The following NEK11 variants were observed in gnomAD, a reference collection of about 807,000 sequenced individuals.
The protein encoded by NEK11 is serine/threonine-protein kinase Nek11.
In NEK11, 72 loss-of-function variants were observed where a neutral mutation model predicts 80.7. The ratio of observed to expected loss-of-function variants is 0.89; its 90% CI spans 0.74 to 1.08. The LOEUF (loss-of-function observed/expected upper bound fraction) is 1.08. NEK11 is among the 50% of genes least tolerant of loss of function. NEK11 has a pLI of 0.00. For missense variants in NEK11, 764 were observed against 763.6 expected (o/e 1.00, Z -0.01); for synonymous variants, 251 against 260.7 (o/e 0.96, Z 0.36).
chr3:131,180,003 G>A lies in NEK11; in HGVS notation c.1399+9116G>A, dbSNP rs914737914. Reference sequence around the variant, plus strand: ...CTCATTCCTATAAAGTCCTATGTGGGAAAGAATCTCTCAGGGCAGATATTC... The same window carrying A: ...CTCATTCCTATAAAGTCCTATGTGGAAAAGAATCTCTCAGGGCAGATATTC... On this transcript the variant is annotated intron_variant, in intron 14 of 17. Transcript: ENST00000383366. Among the ~76,000 whole-genome samples, 8 of 152,280 alleles carry A rather than the reference G, an allele frequency of 5.3e-5. No homozygotes were observed. In the South Asian group the frequency reaches 6.2e-4, roughly 12 times the overall value.
chr3:131,083,768 T>C (rs941670155), intron 4 of NEK11, among the ~76,000 whole-genome samples: 1 of 152,322 alleles, frequency 6.6e-6, no homozygotes, highest in Non-Finnish European at 1.5e-5. Context: ...CATCAGATTA[T>C]GAGTGTAAAA....
intron 17 of NEK11, among the ~76,000 whole-genome samples, chr3:131,310,913 T>C (rs761286023): frequency 6.6e-6 from 1 of 152,168 alleles, no homozygotes; most frequent in Admixed American, 6.5e-5. Flanking sequence ...TGCTTCTAGC[T>C]CCACAGCATG....
At chr3:131,103,080 C>T (rs919882512) in intron 4 of NEK11, among the ~76,000 whole-genome samples, 3 of 151,974 alleles carry the variant, frequency 2.0e-5, no homozygotes. Flanking sequence ...TTACTAATTC[C>T]TTGGAATCCT....
In NEK11 at chr3:131,243,460, AG is replaced by A. The variant is rs774842857; in HGVS notation, c.1587del (p.Arg529SerfsTer12). The A allele has an allele frequency of 3.1e-6, 5 of 1,612,940 alleles. No homozygotes were observed. Among genetic ancestry groups the A allele is most frequent in the South Asian group, 2.2e-5 (2 of 91,026 alleles). Reference protein sequence around the residue: ...QQDSDIEALARCLENVLGCTS... With the variant: ...QQDSDIEALAXCLENVLGCTS... ...GGACAGTGATATCGAAGCGTTGGCC[AG>A]GTGTTTGGAAAATGTCCTGGGTTGC... is the stretch of plus-strand genomic sequence containing the variant. On this transcript the variant is annotated frameshift_variant, in exon 16 of 18. Transcript: ENST00000383366. LOFTEE classifies it high-confidence loss of function.
intron 7 of NEK11, among the ~76,000 whole-genome samples, chr3:131,138,090 G>C (rs563853481): frequency 7.9e-5 from 12 of 152,110 alleles, no homozygotes; most frequent in Non-Finnish European, 1.8e-4. Flanking sequence ...GTGGTGTAGA[G>C]GACCAAGTGA....
intron 17 of NEK11, among the ~76,000 whole-genome samples, chr3:131,316,797 G>GT (rs377470635): frequency 6.6e-6 from 1 of 152,148 alleles, no homozygotes; most frequent in African/African-American, 2.4e-5. Context: ...CAGCTTGCGA[G>GT]TTTTTTGAAG....
intron 17 of NEK11, among the ~76,000 whole-genome samples, chr3:131,337,161 C>T (rs1181062222): frequency 2.6e-5 from 4 of 152,172 alleles, no homozygotes; most frequent in South Asian, 2.1e-4. Flanking sequence ...AAGACACATG[C>T]ACACGTATGT....
intron 14 of NEK11, among the ~76,000 whole-genome samples, chr3:131,223,650 G>A (rs1206646320): frequency 6.6e-6 from 1 of 152,180 alleles, no homozygotes. Flanking sequence ...TTGTGACAGA[G>A]ACCACGTAAT....
chr3:131,295,427 T>C (rs1476863016), intron 17 of NEK11, among the ~76,000 whole-genome samples: 1 of 152,176 alleles, frequency 6.6e-6, no homozygotes, highest in African/African-American at 2.4e-5. Context: ...TTTTTCAGCA[T>C]TTTAAATTTT....
intron 15 of NEK11, among the ~76,000 whole-genome samples, chr3:131,231,831 C>T (rs546713583): frequency 1.3e-5 from 2 of 152,132 alleles, no homozygotes; most frequent in African/African-American, 4.8e-5. Flanking sequence ...CTGAGTGTGC[C>T]AGGGTCTGCT....
intron 4 of NEK11, among the ~76,000 whole-genome samples, chr3:131,094,379 C>T (rs1331624254): frequency 6.6e-6 from 1 of 151,938 alleles, no homozygotes; most frequent in African/African-American, 2.4e-5. Flanking sequence ...TCATGAGGTG[C>T]TATTATTAGG....
chr3:131,341,651 T>C (rs919495859), intron 17 of NEK11, among the ~76,000 whole-genome samples: 1 of 152,210 alleles, frequency 6.6e-6, no homozygotes, highest in East Asian at 1.9e-4. Flanking sequence ...CTCTTTGTAG[T>C]CCTCTATGTA....
chr3:131,087,656 A>T (rs572006058), intron 4 of NEK11, among the ~76,000 whole-genome samples: 1 of 152,314 alleles, frequency 6.6e-6, no homozygotes, highest in African/African-American at 2.4e-5. Flanking sequence ...TTTTTTATGC[A>T]AAAGTATTTA....
At chr3:131,328,116 G>GTCTC (rs2097003823) in intron 17 of NEK11, among the ~76,000 whole-genome samples, 1 of 151,828 alleles carries the variant, frequency 6.6e-6, no homozygotes, top group East Asian at 1.9e-4. Flanking sequence ...AGACACCCTT[G>GTCTC]TCTCTACAGA....
At chr3:131,048,599 A>G (rs1329897951) in intron 3 of NEK11, among the ~76,000 whole-genome samples, 1 of 152,118 alleles carries the variant, frequency 6.6e-6, no homozygotes, top group Non-Finnish European at 1.5e-5. Context: ...GGGGCAGATG[A>G]TCCCTCTTTC....
intron 17 of NEK11, among the ~76,000 whole-genome samples, chr3:131,288,578 G>A (rs2096505214): frequency 6.6e-6 from 1 of 150,832 alleles, no homozygotes; most frequent in African/African-American, 2.4e-5. Context: ...TCAGCCTCCT[G>A]AGTACCTAGG....
At chr3:131,180,860 G>A (rs945915107) in intron 14 of NEK11, among the ~76,000 whole-genome samples, 3 of 152,146 alleles carry the variant, frequency 2.0e-5, no homozygotes, top group East Asian at 1.9e-4. Context: ...TCTTAATTCA[G>A]TCTATAATAT....
chr3:131,052,134 G>GT (rs34528776), intron 3 of NEK11, among the ~76,000 whole-genome samples: 20,655 of 127,034 alleles, frequency 0.16, 1,437 homozygotes, highest in Middle Eastern at 0.21. Context: ...GGTTTTTTTT[G>GT]TTTTTTTTTT....
At chr3:131,152,050 T>C (rs965695971) in intron 7 of NEK11, among the ~76,000 whole-genome samples, 3 of 152,216 alleles carry the variant, frequency 2.0e-5, no homozygotes, top group Non-Finnish European at 4.4e-5. Flanking sequence ...GCATTTTATG[T>C]ATTAAAAGCT....
Sources: allele counts gnomAD v4.1 joint callset (sites outside exome capture counted in the v4.1 genomes callset), GRCh38; gene constraint gnomAD v4.1.1; transcripts MANE v1.5; gene names NCBI Gene and HGNC (gene_info 2026-07-23, HGNC 2026-07-21).